SYT1: variants seen among roughly 807,000 people sequenced by gnomAD.
The protein encoded by SYT1 is synaptotagmin 1.
In SYT1, 8 loss-of-function variants were observed where a neutral mutation model predicts 44.8. The ratio of observed to expected loss-of-function variants is 0.18; its 90% confidence interval spans 0.10 to 0.32. The LOEUF is 0.32. Ranked by LOEUF, SYT1 falls within the 10% of genes least tolerant of loss-of-function variation. The pLI, the probability that SYT1 is intolerant of heterozygous loss-of-function variation, is 1.00. For missense variants in SYT1, 286 were observed against 509.3 expected (o/e 0.56, Z 4.22); for synonymous variants, 154 against 188.8 (o/e 0.82, Z 1.51).
At chr12:79,423,203 C>T (rs893231336) in intron 9 of SYT1, among the ~76,000 whole-genome samples, 2 of 152,112 alleles carry the variant, frequency 1.3e-5, no homozygotes, top group African/African-American at 2.4e-5. Flanking sequence ...CATGTGTGCA[C>T]ACGTGCATGC....
chr12:79,308,611 AAAAAGAAAGAAAGAAAGAAAG>A (rs1880577952), intron 8 of SYT1, among the ~76,000 whole-genome samples: 4 of 37,332 alleles, frequency 1.1e-4, no homozygotes, highest in African/African-American at 3.1e-4. Flanking sequence ...AGAAAGAAAG[AAAAAGAAAGAAAGAAAGAAAG>A]AAAGAAAGAA....
intron 3 of SYT1, among the ~76,000 whole-genome samples, chr12:79,198,448 C>T (rs1012540264): frequency 1.3e-5 from 2 of 152,046 alleles, no homozygotes; most frequent in Non-Finnish European, 2.9e-5. Context: ...TGTTTCTAAG[C>T]CTTCTAAAAG....
At chr12:78,975,314 C>T (rs1196842824) in intron 1 of SYT1, among the ~76,000 whole-genome samples, 1 of 152,142 alleles carries the variant, frequency 6.6e-6, no homozygotes, top group Non-Finnish European at 1.5e-5. Context: ...CCTCAGATTG[C>T]AAGTTCTGCA....
chr12:78,891,732 C>T (rs902762644), intron 1 of SYT1, among the ~76,000 whole-genome samples: 10 of 151,420 alleles, frequency 6.6e-5, no homozygotes, highest in Admixed American at 6.6e-4. Flanking sequence ...GCAATTTGAA[C>T]TGTGCTCAGG....
At chr12:79,211,000 C>T (rs1331763822) in intron 3 of SYT1, among the ~76,000 whole-genome samples, 5 of 149,412 alleles carry the variant, frequency 3.3e-5, no homozygotes, top group African/African-American at 9.8e-5. Context: ...CCAGTTTTCT[C>T]CAGAATAAAA....
In SYT1 at chr12:79,407,767, G is replaced by T. The variant is rs116531747; in HGVS notation, c.929-36306G>T. On this transcript the variant is annotated intron_variant, in intron 9 of 10. Transcript: ENST00000261205. ...GCTGTGGTTTTTGCAACTCTCTTAC[G>T]CACAGTCCAAGCAAAGAACATTATA... is the stretch of plus-strand genomic sequence containing the variant. Among the ~76,000 whole-genome samples, 364 of 152,082 alleles carry T rather than the reference G, an allele frequency of 2.4e-3. 3 individuals are homozygous for T. Among genetic ancestry groups the T allele is most frequent in the African/African-American group, 8.2e-3 (342 of 41,500 alleles).
At chr12:79,335,985 T>C (rs1882073973) in intron 8 of SYT1, among the ~76,000 whole-genome samples, 1 of 152,242 alleles carries the variant, frequency 6.6e-6, no homozygotes, top group African/African-American at 2.4e-5. Flanking sequence ...TAATGGGATT[T>C]TTCAATGAAA....
chr12:79,410,506 CAAA>C (rs5799432), intron 9 of SYT1, among the ~76,000 whole-genome samples: 138 of 75,926 alleles, frequency 1.8e-3, no homozygotes, highest in South Asian at 0.011. Flanking sequence ...TGTTCAAAGT[CAAA>C]AAAAAAAAAA....
At chr12:78,967,375 G>C (rs1868273279) in intron 1 of SYT1, among the ~76,000 whole-genome samples, 1 of 152,144 alleles carries the variant, frequency 6.6e-6, no homozygotes, top group African/African-American at 2.4e-5. Context: ...GATATTAAAG[G>C]CAAGACATCA....
At chr12:79,412,233 C>T (rs79000804) in intron 9 of SYT1, among the ~76,000 whole-genome samples, 7 of 152,126 alleles carry the variant, frequency 4.6e-5, no homozygotes, top group Non-Finnish European at 7.4e-5. Context: ...CACAGTGGCC[C>T]GCCAGTGCTT....
chr12:79,111,117 T>C (rs554370357), intron 3 of SYT1, among the ~76,000 whole-genome samples: 1 of 152,200 alleles, frequency 6.6e-6, no homozygotes, highest in African/African-American at 2.4e-5. Context: ...ACTTAAAAGC[T>C]TAAAAAGAAA....
At chr12:79,213,142 T>C (rs541695672) in intron 3 of SYT1, among the ~76,000 whole-genome samples, 1 of 152,314 alleles carries the variant, frequency 6.6e-6, no homozygotes, top group Admixed American at 6.5e-5. Flanking sequence ...AATTTTTTAG[T>C]GATAAAGAAT....
chr12:79,417,548 C>T (rs1868821532), intron 9 of SYT1, among the ~76,000 whole-genome samples: 1 of 152,098 alleles, frequency 6.6e-6, no homozygotes, highest in Non-Finnish European at 1.5e-5. Flanking sequence ...TTATGCCTCT[C>T]TCCTGTTTAA....
chr12:79,402,341 T>C (rs932202674), intron 9 of SYT1, among the ~76,000 whole-genome samples: 2 of 152,172 alleles, frequency 1.3e-5, no homozygotes, highest in African/African-American at 2.4e-5. Flanking sequence ...CCAGTCTCAA[T>C]ACAAAATCAA....
intron 3 of SYT1, among the ~76,000 whole-genome samples, chr12:79,076,725 G>A (rs952587281): frequency 7.2e-5 from 11 of 152,084 alleles, no homozygotes; most frequent in Admixed American, 5.9e-4. Context: ...CAGGGATCAC[G>A]AGGTTTTTGG....
intron 3 of SYT1, among the ~76,000 whole-genome samples, chr12:79,123,937 A>G (rs1176883102): frequency 1.3e-5 from 2 of 152,172 alleles, no homozygotes; most frequent in African/African-American, 2.4e-5. Flanking sequence ...TAGGAGAAAT[A>G]TATTTCCCAC....
chr12:79,015,045 A>G (rs1427038329), intron 2 of SYT1, among the ~76,000 whole-genome samples: 1 of 148,756 alleles, frequency 6.7e-6, no homozygotes, highest in African/African-American at 2.5e-5. Context: ...GGAACATCAC[A>G]CTCTGGGGAC....
At chr12:79,047,067 T>C (rs1468535929) in intron 2 of SYT1, among the ~76,000 whole-genome samples, 1 of 151,846 alleles carries the variant, frequency 6.6e-6, no homozygotes, top group Non-Finnish European at 1.5e-5. Flanking sequence ...ATAAAATCAG[T>C]ATATAAACTA....
At chr12:79,109,136 G>A (rs187660671) in intron 3 of SYT1, among the ~76,000 whole-genome samples, 2 of 152,256 alleles carry the variant, frequency 1.3e-5, no homozygotes, top group East Asian at 1.9e-4. Flanking sequence ...GAAGAGGAGG[G>A]CCAGGCTCCT....
Sources: allele counts gnomAD v4.1 joint callset (sites outside exome capture counted in the v4.1 genomes callset), GRCh38; gene constraint gnomAD v4.1.1; transcripts MANE v1.5; gene names NCBI Gene and HGNC (gene_info 2026-07-23, HGNC 2026-07-21).